PCDH9: variants seen among roughly 807,000 people sequenced by gnomAD.
PCDH9 encodes protocadherin-9.
In PCDH9, 24 loss-of-function variants were observed where a neutral mutation model predicts 70.6. That is an observed-to-expected ratio of 0.34 (90% confidence interval 0.25 to 0.48). PCDH9 has a LOEUF of 0.48. PCDH9 is among the 20% of genes least tolerant of loss of function. The pLI is 0.99. For missense variants in PCDH9, 1,281 were observed against 1,503.6 expected (o/e 0.85, Z 2.45); for synonymous variants, 562 against 558.5 (o/e 1.01, Z -0.09).
chr13:66,624,165 A>C (rs1463464768), intron 4 of PCDH9, among the ~76,000 whole-genome samples: 1 of 152,172 alleles, frequency 6.6e-6, no homozygotes, highest in Non-Finnish European at 1.5e-5. Flanking sequence ...CTGAACACAT[A>C]ATTGTTTTTG....
chr13:66,481,851 G>A (rs931408738), intron 4 of PCDH9, among the ~76,000 whole-genome samples: 10 of 151,954 alleles, frequency 6.6e-5, no homozygotes, highest in African/African-American at 2.2e-4. Context: ...ATCTGTAAGA[G>A]GTTTGTTTGA....
chr13:66,746,484 C>G (rs2079365313), intron 3 of PCDH9, among the ~76,000 whole-genome samples: 1 of 151,898 alleles, frequency 6.6e-6, no homozygotes, highest in Non-Finnish European at 1.5e-5. Flanking sequence ...GATAACCAGA[C>G]AGAGAACTAC....
chr13:66,653,262 G>A (rs1379226380), intron 3 of PCDH9, among the ~76,000 whole-genome samples: 1 of 152,100 alleles, frequency 6.6e-6, no homozygotes, highest in Non-Finnish European at 1.5e-5. Flanking sequence ...CTATCCATCT[G>A]ACAAGGGCTT....
intron 2 of PCDH9, among the ~76,000 whole-genome samples, chr13:67,086,421 ACTT>A (rs778446534): frequency 1.6e-4 from 24 of 152,180 alleles, no homozygotes; most frequent in Non-Finnish European, 2.1e-4. Flanking sequence ...CAAACTTGGC[ACTT>A]CTTTTAAAGT....
At chr13:67,127,452 A>T (rs181808811) in intron 2 of PCDH9, among the ~76,000 whole-genome samples, 121 of 152,214 alleles carry the variant, frequency 7.9e-4, no homozygotes, top group African/African-American at 2.8e-3. Context: ...TCTCTATGAG[A>T]TGAAGCAGCT....
chr13:66,989,587 C>T (rs1048934133), intron 2 of PCDH9, among the ~76,000 whole-genome samples: 2 of 151,796 alleles, frequency 1.3e-5, no homozygotes, highest in East Asian at 3.9e-4. Flanking sequence ...TTTCACTCAA[C>T]CTCTTTACCA....
At chr13:67,014,166 T>G (rs2084510499) in intron 2 of PCDH9, among the ~76,000 whole-genome samples, 1 of 152,136 alleles carries the variant, frequency 6.6e-6, no homozygotes, top group African/African-American at 2.4e-5. Context: ...AAAGTGATAG[T>G]AATACTAGCT....
intron 2 of PCDH9, among the ~76,000 whole-genome samples, chr13:67,140,614 CT>C (rs1378687386): frequency 6.6e-6 from 1 of 152,104 alleles, no homozygotes; most frequent in Non-Finnish European, 1.5e-5. Context: ...CACAAAGATC[CT>C]GATTTAATTG....
intron 2 of PCDH9, among the ~76,000 whole-genome samples, chr13:67,027,854 C>T (rs1422466740): frequency 2.6e-5 from 4 of 151,930 alleles, no homozygotes; most frequent in Non-Finnish European, 5.9e-5. Flanking sequence ...AAATGCAAAT[C>T]AAAACCACAA....
rs75450608 is a variant in PCDH9 at position 66,857,791 on chromosome 13, C to T, written c.3138+45713G>A. On this transcript the variant is annotated intron_variant, in intron 3 of 4. Transcript: ENST00000377865. ...TGAAAGCTTCATAGATCATTTTGTC[C>T]CATAATTATTTCTTACAAAATATGA... Among the ~76,000 whole-genome samples the T allele has an allele frequency of 1.8e-3, 269 of 151,956 alleles. 5 individuals are homozygous for T. The East Asian group carries it at 0.045, about 25-fold the overall frequency.
intron 2 of PCDH9, among the ~76,000 whole-genome samples, chr13:67,108,296 A>G (rs1432518632): frequency 6.6e-6 from 1 of 152,208 alleles, no homozygotes. Flanking sequence ...ATCCCATGAC[A>G]GTATAGTATA....
At position 66,712,231 on chromosome 13, in the gene PCDH9, T is replaced by C. The variant is rs192864957; in HGVS notation, c.3139-80820A>G. Among the ~76,000 whole-genome samples the C allele has an allele frequency of 1.3e-4, 20 of 152,330 alleles. No homozygotes were observed. The East Asian group carries it at 2.5e-3, about 19-fold the overall frequency. On this transcript the variant is annotated intron_variant, in intron 3 of 4. Coordinates refer to ENST00000377865, the MANE Select transcript of PCDH9 (RefSeq NM_203487.3). ...CCTTTTAGTTTTATTACAGGTATCA[T>C]GCACATAGTTAAATTTATATGATGT...
At chr13:66,926,152 G>GA (rs1309033201) in intron 2 of PCDH9, among the ~76,000 whole-genome samples, 8 of 151,418 alleles carry the variant, frequency 5.3e-5, no homozygotes, top group Non-Finnish European at 8.9e-5. Context: ...ATAGTGCCTG[G>GA]AAAAAAAATG....
intron 3 of PCDH9, among the ~76,000 whole-genome samples, chr13:66,849,517 T>TATAGAGAGAGAGAGAGAGAG (rs1272589939): frequency 1.1e-4 from 7 of 63,582 alleles, no homozygotes; most frequent in African/African-American, 5.8e-4. Context: ...TATATATATA[T>TATAGAGAGAGAGAGAGAGAG]AGAGAGAGAG....
chr13:67,127,728 A>C (rs2138319044), intron 2 of PCDH9, among the ~76,000 whole-genome samples: 1 of 151,168 alleles, frequency 6.6e-6, no homozygotes, highest in Middle Eastern at 3.4e-3. Flanking sequence ...ATATGTATAT[A>C]TATATTTTTT....
chr13:66,624,612 G>T (rs2077474535), intron 4 of PCDH9, among the ~76,000 whole-genome samples: 1 of 152,210 alleles, frequency 6.6e-6, no homozygotes, highest in Non-Finnish European at 1.5e-5. Context: ...CTAAGTTCCA[G>T]AGGGAACTTT....
intron 3 of PCDH9, among the ~76,000 whole-genome samples, chr13:66,749,577 C>T (rs1440898281): frequency 6.6e-6 from 1 of 152,136 alleles, no homozygotes; most frequent in East Asian, 1.9e-4. Flanking sequence ...AATTAGTTAT[C>T]TTAACTGCCA....
At chr13:66,355,075 C>T (rs186615613) in intron 4 of PCDH9, among the ~76,000 whole-genome samples, 8 of 152,176 alleles carry the variant, frequency 5.3e-5, no homozygotes, top group Admixed American at 1.3e-4. Context: ...GGCTAGAGTA[C>T]AAGCTGAAGG....
At chr13:66,336,944 C>T (rs536970038) in intron 4 of PCDH9, among the ~76,000 whole-genome samples, 2 of 152,044 alleles carry the variant, frequency 1.3e-5, no homozygotes, top group Middle Eastern at 3.4e-3. Context: ...TTAAAAGTAA[C>T]AAAATTCTCT....
Sources: allele counts gnomAD v4.1 joint callset (sites outside exome capture counted in the v4.1 genomes callset), GRCh38; gene constraint gnomAD v4.1.1; transcripts MANE v1.5; gene names NCBI Gene and HGNC (gene_info 2026-07-23, HGNC 2026-07-21).